The following KCTD19 variants were observed in gnomAD, a reference collection of about 807,000 sequenced individuals.
The protein encoded by KCTD19 is potassium channel tetramerization domain containing 19, also known as BTB/POZ domain-containing protein KCTD19.
Under a neutral mutation model 103.5 loss-of-function variants are expected in KCTD19, and 67 were observed. The ratio of observed to expected loss-of-function variants is 0.65; its 90% CI spans 0.53 to 0.79. The LOEUF (loss-of-function observed/expected upper bound fraction) is 0.79. KCTD19 is among the 30% of genes least tolerant of loss of function. The pLI, the probability that KCTD19 is intolerant of heterozygous loss-of-function variation, is 0.00. For synonymous variants in KCTD19, 439 were observed against 452.2 expected (o/e 0.97, Z 0.37); for missense variants, 980 against 1,136.1 (o/e 0.86, Z 1.98).
chr16:67,310,173 C>T (rs1454509578), intron 2 of KCTD19, among the ~76,000 whole-genome samples: 3 of 152,182 alleles, frequency 2.0e-5, no homozygotes, highest in Non-Finnish European at 4.4e-5. Flanking sequence ...AGAAACCATT[C>T]CCCAGCCCCT....
intron 1 of KCTD19, among the ~76,000 whole-genome samples, chr16:67,324,724 G>A (rs950031837): frequency 9.2e-5 from 14 of 152,194 alleles, no homozygotes; most frequent in Non-Finnish European, 2.1e-4. Context: ...ATAAATGCAT[G>A]CAAGAAAGAA....
At chr16:67,304,809 AC>A (rs1477154041) in intron 2 of KCTD19, among the ~76,000 whole-genome samples, 6 of 151,886 alleles carry the variant, frequency 4.0e-5, no homozygotes, top group Non-Finnish European at 8.8e-5. Flanking sequence ...GATTACAGGC[AC>A]CTGCCACCAC....
rs144290843 is a variant in KCTD19, at chr16:67,301,702, G to T, written c.775+89C>A. On this transcript the variant is annotated intron_variant, in intron 5 of 15. Coordinates refer to ENST00000304372, the MANE Select transcript of KCTD19 (RefSeq NM_001100915.3). ...ATCCTCTCACTAACCCCCAAAGCCC[G>T]AAGTGATTGTGGGAGGGAAGATTGT... 3.9e-6 allele frequency: 5 copies of T among 1,268,376 alleles called. No individual in the cohort carries two copies. The African/African-American group carries it at 5.9e-5, about 15-fold the overall frequency. The allele number at this position is 1,268,376 out of a possible 1,614,324, so 78.6% of individuals were successfully genotyped here.
At position 67,323,215 on chromosome 16, in the gene KCTD19, CA is replaced by C. The variant is rs1458172146; in HGVS notation, c.4-2331del. On this transcript the variant is annotated intron_variant, in intron 1 of 15. Coordinates refer to ENST00000304372, the MANE Select transcript of KCTD19 (RefSeq NM_001100915.3). The surrounding 1 kb of genome is among the most constrained non-coding windows in gnomAD (Gnocchi z 4.1). ...TCCACTCCTAGGTGTACACTTAAGACAAATAAAGACATATGTCCACACCAAA... is the reference window on the plus strand; with the variant it reads ...TCCACTCCTAGGTGTACACTTAAGACAATAAAGACATATGTCCACACCAAA... Among the ~76,000 whole-genome samples the C allele has an allele frequency of 6.6e-6, 1 of 152,110 alleles. No homozygotes were observed. Among genetic ancestry groups the C allele is most frequent in the African/African-American group, 2.4e-5 (1 of 41,430 alleles).
chr16:67,291,277 G>C, intron 14 of KCTD19, 32 bp downstream of exon 14: 1 of 1,603,130 alleles, frequency 6.2e-7, no homozygotes, highest in African/African-American at 1.3e-5. Context: ...AAGGTACAGG[G>C]TGCCCCAGGG....
In KCTD19 at chr16:67,303,028, C is replaced by T; in HGVS notation, c.643+118G>A. On this transcript the variant is annotated intron_variant, in intron 4 of 15. Transcript: ENST00000304372. This position sits in a 1 kb window ranked among gnomAD's most constrained non-coding sequence, Gnocchi z 4.3. ...CTCTGTCATGCTTCCGCTACCTCTG[C>T]CCAGGGAAGCTCCTGAGGCCCTGAG... is the stretch of plus-strand genomic sequence containing the variant. 2.1e-6 allele frequency: 2 copies of T among 931,488 alleles called. No homozygotes were observed. Among genetic ancestry groups the T allele is most frequent in the African/African-American group, 3.3e-5 (2 of 60,056 alleles). 57.7% of individuals were successfully genotyped at this position (931,488 alleles called of 1,614,324 possible). A position where few individuals can be genotyped will look rare whatever the true frequency, so the allele number is the denominator to read the frequency against.
At chr16:67,298,610 G>A (rs2142506313) in intron 6 of KCTD19, among the ~76,000 whole-genome samples, 1 of 152,238 alleles carries the variant, frequency 6.6e-6, no homozygotes, top group South Asian at 2.1e-4. Flanking sequence ...TGCCCTCTGT[G>A]ACATCAGGGT....
At chr16:67,292,199 T>A (rs16957291) in intron 12 of KCTD19, among the ~76,000 whole-genome samples, 38,882 of 152,084 alleles carry the variant, frequency 0.26, 9,177 homozygotes, top group African/African-American at 0.63. Context: ...CATCAAATCT[T>A]CATAAGCAGG....
In KCTD19 at chr16:67,303,110, G is replaced by GGCCGC; in HGVS notation, c.643+35_643+36insGCGGC. The GGCCGC allele has an allele frequency of 3.2e-6, 3 of 947,050 alleles. No individual in the cohort carries two copies. Among genetic ancestry groups the GGCCGC allele is most frequent in the Non-Finnish European group, 4.8e-6 (3 of 621,078 alleles). The allele number at this position is 947,050 out of a possible 1,614,324, so 58.7% of individuals were successfully genotyped here. ...GGGGAGGGGTGAATGGGCCCTATCA[G>GGCCGC]CCCGCCCCCCACCCCACCCCGGACA... On this transcript the variant is annotated intron_variant, in intron 4 of 15. Coordinates refer to ENST00000304372, the MANE Select transcript of KCTD19 (RefSeq NM_001100915.3). This position sits in a 1 kb window ranked among gnomAD's most constrained non-coding sequence, Gnocchi z 4.3.
In KCTD19 at chr16:67,320,648, C is replaced by G; in HGVS notation, c.241G>C (p.Ala81Pro). ...TGCTCATACAGCAAGTTCAGTTCTG[C>G]ACAACTGGAGAAGGAGAGTTTGGAG... ...YTSKLSFSSC[A>P]ELNLLYEQAL... The change falls in exon 2 of 16, where the codon GCA becomes CCA. Residue 81 changes from alanine to proline, a missense_variant. Coordinates refer to ENST00000304372, the MANE Select transcript of KCTD19 (RefSeq NM_001100915.3). The surrounding 1 kb of genome is among the most constrained non-coding windows in gnomAD (Gnocchi z 4.0). 6.2e-7 allele frequency: 1 copy of G among 1,614,214 alleles called. No homozygotes were observed. Among genetic ancestry groups the G allele is most frequent in the Non-Finnish European group, 8.5e-7 (1 of 1,180,040 alleles).
chr16:67,303,311 G>C lies in KCTD19; in HGVS notation c.478C>G (p.Leu160Val). Residue 160 changes from leucine (L) to valine (V), a missense_variant, in exon 4 of 16, where the codon CTC (leucine) becomes GTC (valine). Leu to Val is a conservative substitution (Grantham distance 32). Coordinates refer to ENST00000304372, the MANE Select transcript of KCTD19 (RefSeq NM_001100915.3). This position sits in a 1 kb window ranked among gnomAD's most constrained non-coding sequence, Gnocchi z 4.3. ...GTGTCTAACAGGGGTGTGTCCATGAGCCCCAGAGGTGCCTTATCATGTAGG... is the reference window on the plus strand; with the variant it reads ...GTGTCTAACAGGGGTGTGTCCATGACCCCCAGAGGTGCCTTATCATGTAGG... ...TGLHDKAPLG[L>V]MDTPLLDTEE... 1 of 1,613,050 alleles carries C rather than the reference G, an allele frequency of 6.2e-7. No homozygotes were observed. The highest frequency in any genetic ancestry group is 1.3e-5 in the African/African-American group (1 of 74,964).
chr16:67,302,157 G>A (rs2036841325), intron 4 of KCTD19: 1 of 411,040 alleles, frequency 2.4e-6, no homozygotes. Context: ...CCCGTGGCTT[G>A]GCCTGGGGCT....
At chr16:67,309,128 CA>C (rs60872060) in intron 2 of KCTD19, among the ~76,000 whole-genome samples, 16,311 of 75,646 alleles carry the variant, frequency 0.22, 1,047 homozygotes, top group African/African-American at 0.39. Context: ...GACTTCAGCT[CA>C]AAAAAAAAAA....
At chr16:67,294,856 T>G in intron 10 of KCTD19, 117 bp downstream of exon 10, 1 of 991,236 alleles carries the variant, frequency 1.0e-6, no homozygotes, top group Non-Finnish European at 1.6e-6. Flanking sequence ...TGGGCCTGCT[T>G]CACTCCCTCA....
rs758229164 is a variant in KCTD19, at chr16:67,299,415, C to G, written c.934G>C (p.Asp312His). 2.5e-6 allele frequency: 4 copies of G among 1,614,148 alleles called. No homozygotes were observed. The African/African-American group carries it at 5.3e-5, about 22-fold the overall frequency. The change falls in exon 6 of 16, where the codon GAC becomes CAC. Residue 312 changes from aspartate to histidine, a missense_variant. Transcript: ENST00000304372. ...LGQLRIESTL[D>H]GSRLYITGNG... The stretch of plus-strand genomic sequence containing the variant: ...CCTGTGATGTACAGTCGGCTTCCGT[C>G]TAGCGTGCTCTCGATGCGAAGCTGG...
chr16:67,293,833 G>A lies in KCTD19; in HGVS notation c.1929C>T (p.Asp643=). ...QKLISLVREW[D]MVNCKQWEFQ... is the part of the protein sequence containing the mutation. ...ATTCCCACTGTTTGCAATTGACCAT[G>A]TCCCATTCTCTCACCAGGGAGATGA... Residue 643 remains aspartate, a synonymous_variant, in exon 12 of 16, where the codon GAC becomes GAT. Coordinates refer to ENST00000304372, the MANE Select transcript of KCTD19 (RefSeq NM_001100915.3). The surrounding 1 kb of genome is among the most constrained non-coding windows in gnomAD (Gnocchi z 4.0). The A allele has an allele frequency of 1.2e-6, 2 of 1,613,912 alleles. No homozygotes were observed. Among genetic ancestry groups the A allele is most frequent in the Non-Finnish European group, 1.7e-6 (2 of 1,180,036 alleles).
rs947379246 is a variant in KCTD19 at position 67,314,244 on chromosome 16, C to T, written c.300+6345G>A. Among the ~76,000 whole-genome samples, 7 of 148,992 alleles carry T rather than the reference C, an allele frequency of 4.7e-5. No individual in the cohort carries two copies. In the East Asian group the frequency reaches 1.4e-3, roughly 30 times the overall value. ...TCTCTCTCTCCCTCCCTCCCTCCTT[C>T]CCCCTCTCTTCCCTTCCCTTCCTTC... On this transcript the variant is annotated intron_variant, in intron 2 of 15. Transcript: ENST00000304372.
chr16:67,292,233 G>T (rs1026276798), intron 12 of KCTD19, among the ~76,000 whole-genome samples: 1 of 152,132 alleles, frequency 6.6e-6, no homozygotes, highest in Admixed American at 6.5e-5. Flanking sequence ...CCACCTCAGA[G>T]CCCAAGCAGG....
rs192249458 is a variant in KCTD19, at chr16:67,296,050, C to T, written c.1248+109G>A. 1.1e-5 allele frequency: 8 copies of T among 745,990 alleles called. No homozygotes were observed. The East Asian group carries it at 2.0e-4, about 19-fold the overall frequency. 46.2% of individuals were successfully genotyped at this position (745,990 alleles called of 1,614,324 possible). A position where few individuals can be genotyped will look rare whatever the true frequency, so the allele number is the denominator to read the frequency against. On this transcript the variant is annotated intron_variant, in intron 8 of 15. Coordinates refer to ENST00000304372, the MANE Select transcript of KCTD19 (RefSeq NM_001100915.3). ...GAGCCACCGTGCCTGGCGGGAAAGC[C>T]TTTGTTCTAAGCAAGTGCTGGAAGC...
Sources: gnomAD v4.1 joint callset for allele counts (sites outside exome capture counted in the v4.1 genomes callset) on GRCh38, gnomAD v4.1.1 for gene constraint, Gnocchi (gnomAD v3.1) non-coding constraint, MANE v1.5 for transcripts, NCBI Gene and HGNC (gene_info 2026-07-23, HGNC 2026-07-21) for gene names.